BMP3: variants seen among roughly 807,000 people sequenced by gnomAD.
The protein encoded by BMP3 is bone morphogenetic protein 3, also known as bone morphogenetic protein 3 (osteogenic).
In BMP3, 23 loss-of-function variants were observed where a neutral mutation model predicts 38.1. That is an observed-to-expected ratio of 0.60 (90% confidence interval 0.43 to 0.86). The LOEUF (loss-of-function observed/expected upper bound fraction) is 0.86, where lower values mean the gene tolerates loss of function less well. Ranked by LOEUF, BMP3 falls within the 40% of genes least tolerant of loss-of-function variation. The probability of loss-of-function intolerance (pLI) is 0.00; values close to 1 mark genes in which losing one functional copy is unlikely to be tolerated. For synonymous variants in BMP3, 258 were observed against 225.7 expected (o/e 1.14, Z -1.28); for missense variants, 628 against 579.6 (o/e 1.08, Z -0.86).
intron 1 of BMP3, among the ~76,000 whole-genome samples, chr4:81,035,224 T>A (rs546154016): frequency 6.6e-6 from 1 of 152,190 alleles, no homozygotes; most frequent in African/African-American, 2.4e-5. Flanking sequence ...AATTCTTCAT[T>A]ATTCATGCTA....
rs903347851 is a variant in BMP3 at position 81,054,934 on chromosome 4, G to A, written c.*1398G>A. On this transcript the variant is annotated 3_prime_UTR_variant, in exon 3 of 3. Coordinates refer to ENST00000282701, the MANE Select transcript of BMP3 (RefSeq NM_001201.5). ...TTAGAAATATCTCAGCCATTTTGGA[G>A]GCTGTGCAGTATCAGAAGACGTGGA... 1 of 152,182 alleles carries A rather than the reference G, an allele frequency of 6.6e-6. No individual in the cohort carries two copies. Among genetic ancestry groups the A allele is most frequent in the Non-Finnish European group, 1.5e-5 (1 of 68,030 alleles). 9.4% of individuals were successfully genotyped at this position (152,182 alleles called of 1,614,324 possible).
intron 1 of BMP3, among the ~76,000 whole-genome samples, chr4:81,042,332 C>CT (rs1740099964): frequency 6.6e-6 from 1 of 152,176 alleles, no homozygotes; most frequent in South Asian, 2.1e-4. Flanking sequence ...TGAATACTTT[C>CT]TGTGTGCTTT....
rs1020426049 is a variant in BMP3 at position 81,054,620 on chromosome 4, A to T, written c.*1084A>T. 2 of 152,186 alleles carry T rather than the reference A, an allele frequency of 1.3e-5. No individual in the cohort carries two copies. Among genetic ancestry groups the T allele is most frequent in the African/African-American group, 4.8e-5 (2 of 41,452 alleles). 9.4% of individuals were successfully genotyped at this position (152,186 alleles called of 1,614,324 possible). A position where few individuals can be genotyped will look rare whatever the true frequency, so the allele number is the denominator to read the frequency against. On this transcript the variant is annotated 3_prime_UTR_variant, in exon 3 of 3. Coordinates refer to ENST00000282701, the MANE Select transcript of BMP3 (RefSeq NM_001201.5). ...TCACATCTAAGTCAGGCACTTTTTC[A>T]CATAGATCAGGGCTTTTGGCTCAGT... is the stretch of plus-strand genomic sequence containing the variant.
At chr4:81,039,063 A>G (rs976907582) in intron 1 of BMP3, among the ~76,000 whole-genome samples, 2 of 152,206 alleles carry the variant, frequency 1.3e-5, no homozygotes, top group Admixed American at 1.3e-4. Flanking sequence ...ACACAATTCT[A>G]TGACTTTGTG....
intron 1 of BMP3, among the ~76,000 whole-genome samples, chr4:81,034,773 A>T (rs1739875295): frequency 6.6e-6 from 1 of 152,122 alleles, no homozygotes; most frequent in South Asian, 2.1e-4. Flanking sequence ...TCCTCCTATG[A>T]CCAAAGTACT....
intron 1 of BMP3, among the ~76,000 whole-genome samples, chr4:81,044,420 G>A (rs1740174852): frequency 6.6e-6 from 1 of 152,086 alleles, no homozygotes; most frequent in South Asian, 2.1e-4. Context: ...CCACTTCCAG[G>A]AAGCCTCCAA....
At position 81,040,572 on chromosome 4, in the gene BMP3, A is replaced by C. The variant is rs1276920525; in HGVS notation, c.317-5166A>C. Among the ~76,000 whole-genome samples, 3 of 152,222 alleles carry C rather than the reference A, an allele frequency of 2.0e-5. No individual in the cohort carries two copies. In the East Asian group the frequency reaches 5.8e-4, roughly 29 times the overall value. Reference sequence around the variant, plus strand: ...CTCCACAGTCCCTTAAATATTGGAAAATAATTCTCATATCATTGCTAAACT... The same window carrying C: ...CTCCACAGTCCCTTAAATATTGGAACATAATTCTCATATCATTGCTAAACT... On this transcript the variant is annotated intron_variant, in intron 1 of 2. Coordinates refer to ENST00000282701, the MANE Select transcript of BMP3 (RefSeq NM_001201.5).
chr4:81,040,042 A>G (rs1336160969), intron 1 of BMP3, among the ~76,000 whole-genome samples: 1 of 152,198 alleles, frequency 6.6e-6, no homozygotes, highest in Non-Finnish European at 1.5e-5. Flanking sequence ...CAACAGGTGC[A>G]AAGTCCCAAC....
rs1039242104 is a variant in BMP3, at chr4:81,053,606, T to G, written c.*70T>G. 34 of 754,896 alleles carry G rather than the reference T, an allele frequency of 4.5e-5. No homozygotes were observed. The highest frequency in any genetic ancestry group is 5.8e-5 in the Non-Finnish European group (31 of 532,836). The allele number at this position is 754,896 out of a possible 1,614,324, so 46.8% of individuals were successfully genotyped here. On this transcript the variant is annotated 3_prime_UTR_variant, in exon 3 of 3. Coordinates refer to ENST00000282701, the MANE Select transcript of BMP3 (RefSeq NM_001201.5). ...ATTTTTATGGACTTCTTCCTGTTTT[T>G]TTTTTTTTTTTTTTTGCACTGCCAA...
At chr4:81,038,568 T>C (rs1341213321) in intron 1 of BMP3, among the ~76,000 whole-genome samples, 1 of 152,210 alleles carries the variant, frequency 6.6e-6, no homozygotes, top group African/African-American at 2.4e-5. Flanking sequence ...ACCATTTATA[T>C]ATTAAATGGC....
At chr4:81,039,044 G>A (rs1262564513) in intron 1 of BMP3, among the ~76,000 whole-genome samples, 1 of 152,040 alleles carries the variant, frequency 6.6e-6, no homozygotes, top group Non-Finnish European at 1.5e-5. Context: ...CTGGGACTAT[G>A]AAGGAGAAAC....
Position 81,053,648 on chromosome 4 carries a change from A to C in BMP3, c.*112A>C. 1.6e-6 allele frequency: 1 copy of C among 611,366 alleles called. No individual in the cohort carries two copies. The highest frequency in any genetic ancestry group is 2.4e-6 in the Non-Finnish European group (1 of 409,118). The allele number at this position is 611,366 out of a possible 1,614,324, so 37.9% of individuals were successfully genotyped here. A position where few individuals can be genotyped will look rare whatever the true frequency, so the allele number is the denominator to read the frequency against. ...CACTGCCAATGCATTTTGTTTCAAA[A>C]GATTATTTCTATAGTCAGAGGGGAA... On this transcript the variant is annotated 3_prime_UTR_variant, in exon 3 of 3. Coordinates refer to ENST00000282701, the MANE Select transcript of BMP3 (RefSeq NM_001201.5).
chr4:81,036,421 G>A lies in BMP3; in HGVS notation c.316+4821G>A, dbSNP rs139755564. 4.6e-5 allele frequency among the ~76,000 whole-genome samples: 7 copies of A among 151,950 alleles called. No individual in the cohort carries two copies. In the East Asian group the frequency reaches 1.2e-3, roughly 25 times the overall value. ...AGCAACTTGTTATATATTTTCTTTT[G>A]GCTAGTCAGGATTTTTGTGCTTCAG... is the stretch of plus-strand genomic sequence containing the variant. On this transcript the variant is annotated intron_variant, in intron 1 of 2. Coordinates refer to ENST00000282701, the MANE Select transcript of BMP3 (RefSeq NM_001201.5).
chr4:81,055,888 G>T lies in BMP3; in HGVS notation c.*2352G>T, dbSNP rs1353555076. 6.6e-6 allele frequency: 1 copy of T among 152,064 alleles called. No individual in the cohort carries two copies. Among genetic ancestry groups the T allele is most frequent in the Admixed American group, 6.6e-5 (1 of 15,252 alleles). The allele number at this position is 152,064 out of a possible 1,614,324, so 9.4% of individuals were successfully genotyped here. On this transcript the variant is annotated 3_prime_UTR_variant, in exon 3 of 3. Transcript: ENST00000282701. ...ATGAAAGAACTTGGGTAATCTCTTAGCAATGGAAATAGGTTTTAACCAGCA... is the reference window on the plus strand; with the variant it reads ...ATGAAAGAACTTGGGTAATCTCTTATCAATGGAAATAGGTTTTAACCAGCA...
At position 81,031,556 on chromosome 4, in the gene BMP3, T is replaced by A; in HGVS notation, c.272T>A (p.Leu91Gln). ...TCGCAGCCCTGGCGCCCTCGGCTCC[T>A]GCGCGAAGGCAACACGGTTCGCAGC... ...GGSQPWRPRLLREGNTVRSFR... is the reference protein window; with the variant it reads ...GGSQPWRPRLQREGNTVRSFR... The change falls in exon 1 of 3, where the codon CTG becomes CAG. Residue 91 changes from leucine to glutamine, a missense_variant. Leu to Gln is a moderately radical substitution (Grantham distance 113, BLOSUM62 -2). Transcript: ENST00000282701. 1 of 1,610,482 alleles carries A rather than the reference T, an allele frequency of 6.2e-7. No individual in the cohort carries two copies.
At chr4:81,040,238 A>T (rs781422278) in intron 1 of BMP3, among the ~76,000 whole-genome samples, 1 of 152,200 alleles carries the variant, frequency 6.6e-6, no homozygotes. Flanking sequence ...AGAAAATAGC[A>T]CCACCTATTG....
chr4:81,047,549 C>CAAA (rs3042536), intron 2 of BMP3, among the ~76,000 whole-genome samples: 29,527 of 147,004 alleles, frequency 0.2, 3,171 homozygotes, highest in South Asian at 0.32. Context: ...TCTGTTATAC[C>CAAA]AAAAAAAAAA....
In BMP3 at chr4:81,046,325, C is replaced by A. The variant is rs771363638; in HGVS notation, c.904C>A (p.Leu302Ile). ...CTTGCTGCCTCTGCAGAACAACGAG[C>A]TTCCTGGGGCAGAATACCAGTATAA... ...GVLLPLQNNE[L>I]PGAEYQYKKD... The change falls in exon 2 of 3, where the codon CTT becomes ATT. Residue 302 changes from leucine to isoleucine, a missense_variant. Coordinates refer to ENST00000282701, the MANE Select transcript of BMP3 (RefSeq NM_001201.5). 5 of 1,614,044 alleles carry A rather than the reference C, an allele frequency of 3.1e-6. No homozygotes were observed. In the African/African-American group the frequency reaches 6.7e-5, roughly 22 times the overall value.
chr4:81,035,992 A>C lies in BMP3; in HGVS notation c.316+4392A>C, dbSNP rs114382773. On this transcript the variant is annotated intron_variant, in intron 1 of 2. Transcript: ENST00000282701. ...TACCTATCTCAGTATGTTAACTTAT[A>C]TTATTACATTTTGGACTTGGGTTCA... 4.4e-3 allele frequency among the ~76,000 whole-genome samples: 674 copies of C among 152,046 alleles called. 4 individuals are homozygous for C. Among genetic ancestry groups the C allele is most frequent in the African/African-American group, 0.015 (623 of 41,532 alleles).
Sources: gnomAD v4.1 joint callset for allele counts (sites outside exome capture counted in the v4.1 genomes callset) on GRCh38, gnomAD v4.1.1 for gene constraint, MANE v1.5 for transcripts, NCBI Gene and HGNC (gene_info 2026-07-23, HGNC 2026-07-21) for gene names.